LSP1: variants seen among roughly 807,000 people sequenced by gnomAD.
The protein encoded by LSP1 is lymphocyte-specific protein 1.
LSP1 carries 32 observed loss-of-function variants against 49.3 expected under a neutral mutation model. That is an observed-to-expected ratio of 0.65 (90% CI 0.49 to 0.87). The LOEUF (loss-of-function observed/expected upper bound fraction) is 0.87, where lower values mean the gene tolerates loss of function less well. LSP1 is among the 40% of genes least tolerant of loss of function. The probability of loss-of-function intolerance (pLI) is 0.00; values close to 1 mark genes in which losing one functional copy is unlikely to be tolerated. For missense variants in LSP1, 428 were observed against 442.6 expected (o/e 0.97, Z 0.30); for synonymous variants, 179 against 178.8 (o/e 1.00, Z -0.01).
At chr11:1,877,067 G>A (rs1848341272) in intron 1 of LSP1, among the ~76,000 whole-genome samples, 2 of 152,242 alleles carry the variant, frequency 1.3e-5, no homozygotes, top group South Asian at 2.1e-4. Flanking sequence ...GCACGGGGCT[G>A]AGCCAGGGCC....
rs116682971 is a variant in LSP1 at position 1,856,462 on chromosome 11, G to A, written c.53+3265G>A. Among the ~76,000 whole-genome samples, 1,014 of 152,342 alleles carry A rather than the reference G, an allele frequency of 6.7e-3. 11 individuals are homozygous for A. Among genetic ancestry groups the A allele is most frequent in the African/African-American group, 0.023 (962 of 41,574 alleles). On this transcript the variant is annotated intron_variant, in intron 1 of 10. Transcript: ENST00000311604. Reference sequence around the variant, plus strand: ...ACCTTCAAAGGCCTGCCCAGCCCGCGGTGGGAGGCCGCTGCCCAGGGCTCT... The same window carrying A: ...ACCTTCAAAGGCCTGCCCAGCCCGCAGTGGGAGGCCGCTGCCCAGGGCTCT...
At chr11:1,887,919 G>A (rs1323080867) in intron 10 of LSP1, among the ~76,000 whole-genome samples, 2 of 152,186 alleles carry the variant, frequency 1.3e-5, no homozygotes, top group Non-Finnish European at 2.9e-5. Flanking sequence ...TAGCATTGAA[G>A]GAAGCAGGTG....
intron 1 of LSP1, among the ~76,000 whole-genome samples, chr11:1,856,672 A>G (rs898795526): frequency 6.6e-6 from 1 of 152,216 alleles, no homozygotes; most frequent in Admixed American, 6.5e-5. Flanking sequence ...TGAAGGAGGA[A>G]GGGGCTGGAG....
At chr11:1,888,165 C>A (rs1246828265) in intron 10 of LSP1, among the ~76,000 whole-genome samples, 1 of 152,122 alleles carries the variant, frequency 6.6e-6, no homozygotes, top group African/African-American at 2.4e-5. Context: ...GGCAGCTGTC[C>A]TCCTACCATC....
intron 1 of LSP1, chr11:1,876,396 G>A: frequency 4.2e-6 from 4 of 958,488 alleles, no homozygotes; most frequent in Non-Finnish European, 5.0e-6. Flanking sequence ...TCCCTGTGGT[G>A]TCCAAGGGAC....
At chr11:1,858,925 C>T (rs1425662716) in intron 1 of LSP1, among the ~76,000 whole-genome samples, 1 of 152,190 alleles carries the variant, frequency 6.6e-6, no homozygotes, top group Non-Finnish European at 1.5e-5. Context: ...AGCCCCTGGC[C>T]CTTTCTTGGG....
At chr11:1,871,090 C>T (rs895527853) in intron 1 of LSP1, 7 of 985,430 alleles carry the variant, frequency 7.1e-6, no homozygotes, top group South Asian at 4.7e-5. Context: ...GGAGTGCAGG[C>T]GAGGGCCCCA....
At chr11:1,856,206 C>A (rs997810205) in intron 1 of LSP1, among the ~76,000 whole-genome samples, 16 of 152,348 alleles carry the variant, frequency 1.1e-4, no homozygotes, top group African/African-American at 3.6e-4. Flanking sequence ...CAGGATGACC[C>A]TACCCCCAGT....
At chr11:1,876,103 G>A (rs546300025) in intron 1 of LSP1, among the ~76,000 whole-genome samples, 8 of 152,346 alleles carry the variant, frequency 5.3e-5, no homozygotes, top group East Asian at 1.9e-4. Flanking sequence ...CACACACTCC[G>A]AAGCTGTATC....
At chr11:1,855,810 G>A (rs1398339892) in intron 1 of LSP1, among the ~76,000 whole-genome samples, 2 of 152,226 alleles carry the variant, frequency 1.3e-5, no homozygotes, top group African/African-American at 4.8e-5. Context: ...GGACTCTCTG[G>A]TGACGCTGGG....
chr11:1,857,623 G>A (rs993381570), intron 1 of LSP1, among the ~76,000 whole-genome samples: 7 of 152,196 alleles, frequency 4.6e-5, no homozygotes, highest in South Asian at 2.1e-4. Context: ...GCCTTGCTTC[G>A]GCTGCTATAG....
intron 1 of LSP1, among the ~76,000 whole-genome samples, chr11:1,872,211 TGTGTGTGGTGGGCAGGC>T (rs1848056178): frequency 1.2e-4 from 12 of 102,772 alleles, no homozygotes; most frequent in African/African-American, 2.0e-4. Context: ...TGGGACGGGG[TGTGTGTGGTGGGCAGGC>T]CTGGGCTGTA....
In LSP1 at chr11:1,871,672, C is replaced by T. The variant is rs544231174; in HGVS notation, c.54-8415C>T. Reference sequence around the variant, plus strand: ...GCGCTGTCTGCCGCTGCACGGGCACCCCTCCTGTTGGGTGTCTGGGTAGAC... The same window carrying T: ...GCGCTGTCTGCCGCTGCACGGGCACTCCTCCTGTTGGGTGTCTGGGTAGAC... On this transcript the variant is annotated intron_variant, in intron 1 of 10. Coordinates refer to ENST00000311604, the MANE Select transcript of LSP1 (RefSeq NM_002339.3). 2.0e-5 allele frequency among the ~76,000 whole-genome samples: 3 copies of T among 152,340 alleles called. No homozygotes were observed. In the East Asian group the frequency reaches 5.8e-4, roughly 29 times the overall value.
At chr11:1,860,109 C>G (rs1847587540) in intron 1 of LSP1, among the ~76,000 whole-genome samples, 1 of 152,102 alleles carries the variant, frequency 6.6e-6, no homozygotes, top group Admixed American at 6.5e-5. Flanking sequence ...TCTGCTTTAT[C>G]CTTGGGCCAT....
At chr11:1,862,232 A>G (rs116375099) in intron 1 of LSP1, among the ~76,000 whole-genome samples, 1,600 of 152,336 alleles carry the variant, frequency 0.011, 39 homozygotes, top group African/African-American at 0.037. Context: ...GAGCGCACAC[A>G]TAACAGTGGA....
chr11:1,870,324 G>C, intron 1 of LSP1: 2 of 1,293,072 alleles, frequency 1.5e-6, no homozygotes, highest in Non-Finnish European at 2.0e-6. Flanking sequence ...GGCAGGGGGT[G>C]CCCGCAGCAC....
chr11:1,882,025 C>T (rs551125231), intron 3 of LSP1, among the ~76,000 whole-genome samples: 18 of 152,148 alleles, frequency 1.2e-4, no homozygotes, highest in Admixed American at 4.6e-4. Flanking sequence ...CTTCCTCCCT[C>T]GGGGCTGGCT....
chr11:1,875,122 G>A (rs1046910029), intron 1 of LSP1, among the ~76,000 whole-genome samples: 5 of 149,448 alleles, frequency 3.3e-5, no homozygotes, highest in Non-Finnish European at 7.4e-5. Context: ...CAGAGCCTCC[G>A]GCCCCTGCCA....
At chr11:1,859,168 C>G (rs929613796) in intron 1 of LSP1, among the ~76,000 whole-genome samples, 6 of 152,176 alleles carry the variant, frequency 3.9e-5, no homozygotes, top group African/African-American at 1.2e-4. Context: ...CCCAGTTTCC[C>G]TGGGAGCAGT....
Sources: allele counts gnomAD v4.1 joint callset (sites outside exome capture counted in the v4.1 genomes callset), GRCh38; gene constraint gnomAD v4.1.1; transcripts MANE v1.5; gene names NCBI Gene and HGNC (gene_info 2026-07-23, HGNC 2026-07-21).